COL11A2: variants seen among roughly 807,000 people sequenced by gnomAD.
The protein encoded by COL11A2 is collagen alpha-2(XI) chain.
Under a neutral mutation model 273.4 loss-of-function variants are expected in COL11A2, and 116 were observed. The observed-to-expected ratio is 0.42, with a 90% CI of 0.36 to 0.49. The LOEUF (loss-of-function observed/expected upper bound fraction) is 0.49. Among genes scored for constraint, COL11A2 ranks in the 20% least tolerant of loss-of-function variants. The pLI, the probability that COL11A2 is intolerant of heterozygous loss-of-function variation, is 0.00. For synonymous variants in COL11A2, 782 were observed against 864.2 expected, an observed-to-expected ratio of 0.90 and a Z score of 1.67; for missense variants, 1,866 against 2,309.0, an observed-to-expected ratio of 0.81 and a Z score of 3.93.
chr6:33,170,510 G>T lies in COL11A2; in HGVS notation c.3528+47C>A, dbSNP rs569193723. On this transcript the variant is annotated intron_variant, in intron 47 of 65. Transcript: ENST00000341947. The surrounding 1 kb of genome is among the most constrained non-coding windows in gnomAD (Gnocchi z 4.3). ...GTGTGGGGTGGGGGCTGGCCAGGGA[G>T]GGGGGTGACTAGTATGGTGGCTAGG... 1.2e-6 allele frequency: 2 copies of T among 1,603,772 alleles called. No homozygotes were observed. The highest frequency in any genetic ancestry group is 2.2e-5 in the East Asian group (1 of 44,800).
intron 54 of COL11A2, 88 bp downstream of exon 54, chr6:33,168,431 C>T: frequency 7.0e-7 from 1 of 1,436,432 alleles, no homozygotes; most frequent in Non-Finnish European, 9.8e-7. Flanking sequence ...CCAGGCACCT[C>T]CCCACCCATC....
intron 41 of COL11A2, 22 bp from the exon 42 acceptor site, chr6:33,171,842 C>G: frequency 3.7e-6 from 6 of 1,610,746 alleles, no homozygotes; most frequent in Non-Finnish European, 5.1e-6. Flanking sequence ...GATGGTCAGA[C>G]CCCCAGGAAG....
In COL11A2 at chr6:33,170,671, C is replaced by A. The variant is rs1168601369; in HGVS notation, c.3475-61G>T. ...ACCCCACCCAAAGCACAGCCCTAGGCAGATAGGCCCCACAGTCCCCTCCCC... is the reference window on the plus strand; with the variant it reads ...ACCCCACCCAAAGCACAGCCCTAGGAAGATAGGCCCCACAGTCCCCTCCCC... On this transcript the variant is annotated intron_variant, in intron 46 of 65. Transcript: ENST00000341947. The surrounding 1 kb of genome is among the most constrained non-coding windows in gnomAD (Gnocchi z 4.3). The A allele has an allele frequency of 1.2e-6, 2 of 1,603,068 alleles. No homozygotes were observed.
rs774656418 is a variant in COL11A2, at chr6:33,172,119, T to A, written c.2989-16A>T. 1 of 1,612,356 alleles carries A rather than the reference T, an allele frequency of 6.2e-7. No individual in the cohort carries two copies. The highest frequency in any genetic ancestry group is 8.5e-7 in the Non-Finnish European group (1 of 1,179,902). ...CAGGTCCACCCTATGAACCAGACATTTGGGGAAGATGAGACTTCACGAAAA... is the reference window on the plus strand; with the variant it reads ...CAGGTCCACCCTATGAACCAGACATATGGGGAAGATGAGACTTCACGAAAA... On this transcript the variant is annotated splice_polypyrimidine_tract_variant and intron_variant, in intron 40 of 65. Transcript: ENST00000341947.
chr6:33,185,930 G>A (rs927665590), intron 5 of COL11A2, 152 bp from the exon 6 acceptor site: 1 of 380,304 alleles, frequency 2.6e-6, no homozygotes, highest in Non-Finnish European at 5.3e-6. Flanking sequence ...GATGAAAGGA[G>A]AGGTTGAGGG....
chr6:33,174,570 C>G lies in COL11A2; in HGVS notation c.2387G>C (p.Gly796Ala), dbSNP rs1361979037. 6 of 1,612,300 alleles carry G rather than the reference C, an allele frequency of 3.7e-6. No individual in the cohort carries two copies. The African/African-American group carries it at 8.0e-5, about 22-fold the overall frequency. The change falls in exon 31 of 66, where the codon GGT (glycine) becomes GCT (alanine). Residue 796 changes from glycine to alanine, a missense_variant. Transcript: ENST00000341947. ...PGLMGEKGKL[G>A]VPGLPGYPGR... is the part of the protein sequence containing the mutation. The stretch of plus-strand genomic sequence containing the variant: ...AGGATAGCCAGGCAGACCAGGAACA[C>G]CCAGCTTGCCCTGTGGAGGGACAGG...
At position 33,167,482 on chromosome 6, in the gene COL11A2, C is replaced by T. The variant is rs764870047; in HGVS notation, c.4066G>A (p.Ala1356Thr). 6.2e-7 allele frequency: 1 copy of T among 1,612,900 alleles called. No individual in the cohort carries two copies. The highest frequency in any genetic ancestry group is 8.5e-7 in the Non-Finnish European group (1 of 1,180,018). The change falls in exon 56 of 66, where the codon GCA (alanine) becomes ACA (threonine). Residue 1356 changes from alanine to threonine, a missense_variant. Ala to Thr is a moderately conservative substitution (Grantham distance 58). Coordinates refer to ENST00000341947, the MANE Select transcript of COL11A2 (RefSeq NM_080680.3). This position sits in a 1 kb window ranked among gnomAD's most constrained non-coding sequence, Gnocchi z 6.1. ...APGKTGPVGPAGPAGKPGPDG... is the reference protein window; with the variant it reads ...APGKTGPVGPTGPAGKPGPDG... ...GGGCCAGGTTTCCCTGCTGGGCCTG[C>T]AGGACCCACCGGGCCTGTCTTCCCC...
At chr6:33,187,069 G>T (rs1772526306) in intron 4 of COL11A2, among the ~76,000 whole-genome samples, 1 of 152,130 alleles carries the variant, frequency 6.6e-6, no homozygotes, top group Admixed American at 6.5e-5. Context: ...ATTCAGAAAA[G>T]CCCAAAAAGG....
chr6:33,169,763 GAA>G lies in COL11A2; in HGVS notation c.3690+66_3690+67del. The G allele has an allele frequency of 6.3e-7, 1 of 1,595,338 alleles. No homozygotes were observed. The highest frequency in any genetic ancestry group is 2.2e-5 in the East Asian group (1 of 44,796). The stretch of plus-strand genomic sequence containing the variant: ...GAGTTCCAGCTCAAGGAGGTCACAG[GAA>G]AAGTGGAGGCAGGGTTGAGGCGGGT... On this transcript the variant is annotated intron_variant, in intron 50 of 65. Coordinates refer to ENST00000341947, the MANE Select transcript of COL11A2 (RefSeq NM_080680.3). The surrounding 1 kb of genome is among the most constrained non-coding windows in gnomAD (Gnocchi z 5.5).
Position 33,170,592 on chromosome 6 carries a change from C to A in COL11A2, c.3493G>T (p.Gly1165Trp). ...IGLQGLPGPS[G>W]EKGETGDVGP... Reference sequence around the variant, plus strand: ...ACATCTCCTGTTTCTCCCTTCTCCCCAGAGGGGCCTGGCAAACCCTGTGCA... The same window carrying A: ...ACATCTCCTGTTTCTCCCTTCTCCCAAGAGGGGCCTGGCAAACCCTGTGCA... Residue 1165 changes from glycine to tryptophan, a missense_variant, in exon 47 of 66, where the codon GGG (glycine) becomes TGG (tryptophan). By Grantham distance (184) the Gly-to-Trp change is radical (BLOSUM62 -2). Transcript: ENST00000341947. This position sits in a 1 kb window ranked among gnomAD's most constrained non-coding sequence, Gnocchi z 4.3. 6.2e-7 allele frequency: 1 copy of A among 1,612,512 alleles called. No homozygotes were observed. The highest frequency in any genetic ancestry group is 8.5e-7 in the Non-Finnish European group (1 of 1,179,812).
chr6:33,165,139 TCCTACTGCTGCAGCC>T lies in COL11A2; in HGVS notation c.4751-190_4751-176del, dbSNP rs1768929270. Among the ~76,000 whole-genome samples the T allele has an allele frequency of 2.7e-5, 4 of 150,020 alleles. No individual in the cohort carries two copies. The highest frequency in any genetic ancestry group is 9.7e-5 in the African/African-American group (4 of 41,144). ...CCTACTGCTGGATTCTACTGCAGCA[TCCTACTGCTGCAGCC>T]CACTTTCATCACGTGACACCTCTGC... On this transcript the variant is annotated intron_variant, in intron 63 of 65. Transcript: ENST00000341947. This position sits in a 1 kb window ranked among gnomAD's most constrained non-coding sequence, Gnocchi z 7.7.
intron 30 of COL11A2, among the ~76,000 whole-genome samples, chr6:33,174,972 C>T (rs1377178258): frequency 1.3e-5 from 2 of 152,126 alleles, no homozygotes; most frequent in African/African-American, 4.8e-5. Context: ...CACCACACCC[C>T]GACTCCCGTG....
chr6:33,189,223 G>A lies in COL11A2; in HGVS notation c.233-35C>T, dbSNP rs778095701. The A allele has an allele frequency of 3.1e-6, 5 of 1,611,374 alleles. No homozygotes were observed. The highest frequency in any genetic ancestry group is 4.2e-6 in the Non-Finnish European group (5 of 1,178,706). ...GAGAGAGATACACACAGAGTGAGAGGCAAAGGGAGCCGCCACAACCCCTTT... is the reference window on the plus strand; with the variant it reads ...GAGAGAGATACACACAGAGTGAGAGACAAAGGGAGCCGCCACAACCCCTTT... On this transcript the variant is annotated intron_variant, in intron 2 of 65. Transcript: ENST00000341947. The surrounding 1 kb of genome is among the most constrained non-coding windows in gnomAD (Gnocchi z 5.6).
intron 8 of COL11A2, among the ~76,000 whole-genome samples, chr6:33,181,521 C>T (rs1771738108): frequency 6.6e-6 from 1 of 152,114 alleles, no homozygotes; most frequent in Non-Finnish European, 1.5e-5. Context: ...GTCACCCAGG[C>T]TGAAGTATAG....
chr6:33,178,160 T>A lies in COL11A2; in HGVS notation c.1844A>T (p.Lys615Ile). Residue 615 changes from lysine to isoleucine, a missense_variant, in exon 21 of 66, where the codon AAA becomes ATA. Coordinates refer to ENST00000341947, the MANE Select transcript of COL11A2 (RefSeq NM_080680.3). This position sits in a 1 kb window ranked among gnomAD's most constrained non-coding sequence, Gnocchi z 4.6. ...GGGTCCAGGAATACCAGGTGGGCCT[T>A]TGGGGCCAAGGAGACCTCGAGGTCC... ...ESGPRGLLGP[K>I]GPPGIPGPPG... 1.2e-6 allele frequency: 2 copies of A among 1,610,776 alleles called. No homozygotes were observed. Among genetic ancestry groups the A allele is most frequent in the Non-Finnish European group, 1.7e-6 (2 of 1,178,584 alleles).
At position 33,172,653 on chromosome 6, in the gene COL11A2, G is replaced by C. The variant is rs756240933; in HGVS notation, c.2791-16C>G. ...CTGCTGCTCCCTAGACAAAAGCAGA[G>C]AGAGTTCCTGCTCTCAGGCCCTTCA... On this transcript the variant is annotated splice_polypyrimidine_tract_variant and intron_variant, in intron 38 of 65. Transcript: ENST00000341947. 9 of 1,598,796 alleles carry C rather than the reference G, an allele frequency of 5.6e-6. No individual in the cohort carries two copies. Among genetic ancestry groups the C allele is most frequent in the Non-Finnish European group, 2.6e-6 (3 of 1,168,944 alleles).
intron 38 of COL11A2, among the ~76,000 whole-genome samples, 187 bp downstream of exon 38, chr6:33,172,873 G>C (rs956266739): frequency 2.0e-5 from 3 of 152,112 alleles, no homozygotes; most frequent in African/African-American, 7.2e-5. Context: ...GGGACAAGAC[G>C]ATGAGAATGC....
rs971183758 is a variant in COL11A2, at chr6:33,191,268, G to A, written c.82+891C>T. Among the ~76,000 whole-genome samples, 28 of 152,296 alleles carry A rather than the reference G, an allele frequency of 1.8e-4. No homozygotes were observed. The East Asian group carries it at 5.2e-3, about 28-fold the overall frequency. On this transcript the variant is annotated intron_variant, in intron 1 of 65. Transcript: ENST00000341947. ...TAATCTAATCTAAATCTTTTGTGCT[G>A]CCATTCTGACCATTTTCTCTCTAAA... is the stretch of plus-strand genomic sequence containing the variant.
chr6:33,189,668 G>C lies in COL11A2; in HGVS notation c.83-199C>G, dbSNP rs191406858. 3.2e-4 allele frequency among the ~76,000 whole-genome samples: 48 copies of C among 152,258 alleles called. No homozygotes were observed. Among genetic ancestry groups the C allele is most frequent in the African/African-American group, 1.1e-3 (46 of 41,552 alleles). On this transcript the variant is annotated intron_variant, in intron 1 of 65. Transcript: ENST00000341947. The surrounding 1 kb of genome is among the most constrained non-coding windows in gnomAD (Gnocchi z 5.6). Reference sequence around the variant, plus strand: ...ACCTGGAGGCAGGGCAGCATCAGCTGGCATTCAACCCCATGACACTCCTGC... The same window carrying C: ...ACCTGGAGGCAGGGCAGCATCAGCTCGCATTCAACCCCATGACACTCCTGC...
Sources: gnomAD v4.1 joint callset for allele counts (sites outside exome capture counted in the v4.1 genomes callset) on GRCh38, gnomAD v4.1.1 for gene constraint, Gnocchi (gnomAD v3.1) non-coding constraint, MANE v1.5 for transcripts, NCBI Gene and HGNC (gene_info 2026-07-23, HGNC 2026-07-21) for gene names.